POLRMT: variants seen among roughly 807,000 people sequenced by gnomAD.
The protein encoded by POLRMT is RNA polymerase mitochondrial.
In POLRMT, 114 loss-of-function variants were observed where a neutral mutation model predicts 132.2. The ratio of observed to expected loss-of-function variants is 0.86; its 90% CI spans 0.74 to 1.01. The LOEUF is 1.01. Among genes scored for constraint, POLRMT ranks in the 50% least tolerant of loss-of-function variants. The pLI is 0.00. For synonymous variants in POLRMT, 1,020 were observed against 773.4 expected (o/e 1.32, Z -5.29); for missense variants, 2,003 against 1,729.1 (o/e 1.16, Z -2.81).
chr19:617,221 T>C lies in POLRMT; in HGVS notation c.*53A>G. 1.9e-6 allele frequency: 3 copies of C among 1,596,298 alleles called. No individual in the cohort carries two copies. The highest frequency in any genetic ancestry group is 2.6e-6 in the Non-Finnish European group (3 of 1,166,764). ...GTGCACCCTTCCTGAAGACAGTGGC[T>C]CCTGGGGGTGGCAAAAGAGCTTTAT... On this transcript the variant is annotated 3_prime_UTR_variant, in exon 21 of 21. Coordinates refer to ENST00000588649, the MANE Select transcript of POLRMT (RefSeq NM_005035.4).
At chr19:630,855 C>G (rs1331402635) in intron 2 of POLRMT, among the ~76,000 whole-genome samples, 5 of 152,204 alleles carry the variant, frequency 3.3e-5, no homozygotes, top group Non-Finnish European at 7.3e-5. Flanking sequence ...TTTAAAGAAG[C>G]CTTGTTGGAA....
chr19:617,268 G>GGGGTGTC lies in POLRMT; in HGVS notation c.3692_*5dup, dbSNP rs1984034487. ...TTATTTACACACTGACAAGGCTCAC[G>GGGGTGTC]GGGTGTCAGCTGAAGAAGTAGGTGG... On this transcript the variant is annotated 3_prime_UTR_variant, in exon 21 of 21. Transcript: ENST00000588649. 4.3e-6 allele frequency: 7 copies of GGGGTGTC among 1,612,546 alleles called. No individual in the cohort carries two copies. The highest frequency in any genetic ancestry group is 5.1e-6 in the Non-Finnish European group (6 of 1,179,844).
intron 2 of POLRMT, among the ~76,000 whole-genome samples, chr19:630,428 C>T (rs983239803): frequency 6.6e-6 from 1 of 152,200 alleles, no homozygotes; most frequent in African/African-American, 2.4e-5. Flanking sequence ...AAACCTGCAG[C>T]ACCACGTCTC....
At chr19:622,413 C>T in intron 8 of POLRMT, 40 bp from the exon 9 acceptor site, 23 of 1,510,194 alleles carry the variant, frequency 1.5e-5, no homozygotes, top group Non-Finnish European at 1.9e-5. Context: ...CACCGGGGCC[C>T]CTGAGCTAGA....
chr19:618,951 C>T (rs752774828), intron 15 of POLRMT, 46 bp downstream of exon 15: 11 of 1,470,954 alleles, frequency 7.5e-6, no homozygotes, highest in South Asian at 2.6e-5. Context: ...GACGCTGTTA[C>T]ACTGGGATGG....
chr19:620,966 G>GGGGCGGGCGCGGGGGCGCCGGGGGA lies in POLRMT; in HGVS notation c.2640+91_2640+92insTCCCCCGGCGCCCCCGCGCCCGCCC, dbSNP rs1400433602. 5.2e-6 allele frequency: 3 copies of GGGGCGGGCGCGGGGGCGCCGGGGGA among 572,622 alleles called. No homozygotes were observed. The African/African-American group carries it at 1.1e-4, about 21-fold the overall frequency. The allele number at this position is 572,622 out of a possible 1,614,324, so 35.5% of individuals were successfully genotyped here. On this transcript the variant is annotated intron_variant, in intron 10 of 20. Coordinates refer to ENST00000588649, the MANE Select transcript of POLRMT (RefSeq NM_005035.4). The stretch of plus-strand genomic sequence containing the variant: ...GGGAGGGGAGGAGGAAGACGGGCAG[G>GGGGCGGGCGCGGGGGCGCCGGGGGA]GGGCGCGGGGGCGCCGGGGGAGGGC...
At chr19:618,920 G>C (rs1004175372) in intron 15 of POLRMT, 77 bp downstream of exon 15, 2 of 1,371,328 alleles carry the variant, frequency 1.5e-6, no homozygotes, top group African/African-American at 1.4e-5. Flanking sequence ...GTGGTGGTAC[G>C]CTGGGGCACT....
At position 625,105 on chromosome 19, in the gene POLRMT, C is replaced by A. The variant is rs1276042384; in HGVS notation, c.953+19G>T. 6.2e-7 allele frequency: 1 copy of A among 1,606,456 alleles called. No homozygotes were observed. Among genetic ancestry groups the A allele is most frequent in the African/African-American group, 1.3e-5 (1 of 74,746 alleles). On this transcript the variant is annotated intron_variant, in intron 4 of 20. Transcript: ENST00000588649. The stretch of plus-strand genomic sequence containing the variant: ...GGAGGGACATGGTGGGGGGTGGGGG[C>A]CCTCCCGACACCACCTACCTTTCGA...
chr19:621,199 G>A lies in POLRMT; in HGVS notation c.2499C>T (p.Leu833=), dbSNP rs765731349. Reference sequence around the variant, plus strand: ...TGAGCCAATCCAGGCCGTGCGGGCCGAGCGGGCGGCCCTGGGCGAACTCCA... The same window carrying A: ...TGAGCCAATCCAGGCCGTGCGGGCCAAGCGGGCGGCCCTGGGCGAACTCCA... ...ALLEFAQGRP[L]GPHGLDWLKI... Residue 833 remains leucine, a synonymous_variant, in exon 10 of 21, where the codon CTC becomes CTT. Transcript: ENST00000588649. The A allele has an allele frequency of 7.5e-6, 12 of 1,610,334 alleles. No homozygotes were observed. The highest frequency in any genetic ancestry group is 2.2e-5 in the South Asian group (2 of 91,008).
chr19:624,177 A>G (rs1260791593), intron 5 of POLRMT, among the ~76,000 whole-genome samples: 4 of 152,214 alleles, frequency 2.6e-5, no homozygotes, highest in African/African-American at 4.8e-5. Flanking sequence ...CGGAGGCACC[A>G]TGAGGACGTC....
intron 17 of POLRMT, 46 bp from the exon 18 acceptor site, chr19:617,895 C>A (rs751635676): frequency 6.4e-7 from 1 of 1,564,422 alleles, no homozygotes; most frequent in South Asian, 1.1e-5. Flanking sequence ...GCTCACAGGG[C>A]CACCCAGTGA....
rs188779352 is a variant in POLRMT at position 628,565 on chromosome 19, C to T, written c.822+975G>A. ...TATCTGTATTTTAATATAATAGTAT[C>T]CCATGTTTACCCAAATATTAAGAGA... On this transcript the variant is annotated intron_variant, in intron 3 of 20. Coordinates refer to ENST00000588649, the MANE Select transcript of POLRMT (RefSeq NM_005035.4). 5.2e-3 allele frequency among the ~76,000 whole-genome samples: 787 copies of T among 152,286 alleles called. 10 individuals are homozygous for T. The highest frequency in any genetic ancestry group is 0.017 in the African/African-American group (708 of 41,552).
In POLRMT at chr19:620,464, C is replaced by T. The variant is rs780835026; in HGVS notation, c.2664G>A (p.Ala888=). 8 of 1,597,828 alleles carry T rather than the reference C, an allele frequency of 5.0e-6. No homozygotes were observed. Among genetic ancestry groups the T allele is most frequent in the South Asian group, 4.5e-5 (4 of 89,086 alleles). The change falls in exon 11 of 21, where the codon GCG becomes GCA. Residue 888 remains alanine (A), a synonymous_variant. Transcript: ENST00000588649. ...PLTGRKWWMG[A]EEPWQTLACC... ...AGGCCAGCGTCTGCCAGGGTTCCTCCGCGCCCATCCACCACTTTCGGCCCT... is the reference window on the plus strand; with the variant it reads ...AGGCCAGCGTCTGCCAGGGTTCCTCTGCGCCCATCCACCACTTTCGGCCCT...
In POLRMT at chr19:617,412, C is replaced by G. The variant is rs370681082; in HGVS notation, c.3643+7G>C. ...AGCCACCCTTGCGAGGCTGCCCACC[C>G]GCCTACCTGGCTTGGGCACCGCCTG... On this transcript the variant is annotated splice_region_variant and intron_variant, in intron 20 of 20. Coordinates refer to ENST00000588649, the MANE Select transcript of POLRMT (RefSeq NM_005035.4). 5 of 1,612,200 alleles carry G rather than the reference C, an allele frequency of 3.1e-6. No homozygotes were observed. In the African/African-American group the frequency reaches 5.3e-5, roughly 17 times the overall value.
rs149408062 is a variant in POLRMT, at chr19:619,059, C to G, written c.3205G>C (p.Glu1069Gln). 23 of 1,609,132 alleles carry G rather than the reference C, an allele frequency of 1.4e-5. No homozygotes were observed. In the African/African-American group the frequency reaches 3.0e-4, roughly 21 times the overall value. Residue 1069 changes from glutamate (E) to glutamine (Q), a missense_variant, in exon 15 of 21, where the codon GAG (glutamate) becomes CAG (glutamine). By Grantham distance (29) the Glu-to-Gln change is conservative (BLOSUM62 2). Coordinates refer to ENST00000588649, the MANE Select transcript of POLRMT (RefSeq NM_005035.4). ...RLISHMGSVVEWVTPLGVPVI... is the reference protein window; with the variant it reads ...RLISHMGSVVQWVTPLGVPVI... The stretch of plus-strand genomic sequence containing the variant: ...GGGACGCCCAGGGGTGTGACCCACT[C>G]CACCACAGAGCCCATGTGGGAGATG...
rs758955584 is a variant in POLRMT at position 620,527 on chromosome 19, C to T, written c.2641-40G>A. 1.5e-5 allele frequency: 22 copies of T among 1,500,742 alleles called. No individual in the cohort carries two copies. The South Asian group carries it at 2.0e-4, about 14-fold the overall frequency. The allele number at this position is 1,500,742 out of a possible 1,614,324, so 93.0% of individuals were successfully genotyped here. A position where few individuals can be genotyped will look rare whatever the true frequency, so the allele number is the denominator to read the frequency against. ...GATGGGGGGCAGTGAGGCCCGGGCCCGATCCCTGAGCCCGCTGGGAGGCTG... is the reference window on the plus strand; with the variant it reads ...GATGGGGGGCAGTGAGGCCCGGGCCTGATCCCTGAGCCCGCTGGGAGGCTG... On this transcript the variant is annotated intron_variant, in intron 10 of 20. Transcript: ENST00000588649.
At position 623,560 on chromosome 19, in the gene POLRMT, G is replaced by T. The variant is rs1376792168; in HGVS notation, c.1184C>A (p.Thr395Asn). Residue 395 changes from threonine (T) to asparagine (N), a missense_variant, in exon 6 of 21, where the codon ACC becomes AAC. Coordinates refer to ENST00000588649, the MANE Select transcript of POLRMT (RefSeq NM_005035.4). ...SYPKLHLPLK[T>N]LQCLFEKQLH... ...CTGCTTCTCAAAGAGGCACTGCAGG[G>T]TCTTCAAGGGCAGGTGCAGCTTCGG... is the stretch of plus-strand genomic sequence containing the variant. 6.2e-7 allele frequency: 1 copy of T among 1,613,696 alleles called. No homozygotes were observed. Among genetic ancestry groups the T allele is most frequent in the Admixed American group, 1.7e-5 (1 of 60,028 alleles).
intron 11 of POLRMT, 72 bp from the exon 12 acceptor site, chr19:620,152 C>CA: frequency 6.6e-7 from 1 of 1,518,400 alleles, no homozygotes; most frequent in Non-Finnish European, 8.8e-7. Context: ...AACCACCCCC[C>CA]AGGTCGAGCC....
Position 625,102 on chromosome 19 carries a change from G to A in POLRMT, c.953+22C>T, listed in dbSNP as rs373117510. On this transcript the variant is annotated intron_variant, in intron 4 of 20. Coordinates refer to ENST00000588649, the MANE Select transcript of POLRMT (RefSeq NM_005035.4). ...CTGGGAGGGACATGGTGGGGGGTGGGGGCCCTCCCGACACCACCTACCTTT... is the reference window on the plus strand; with the variant it reads ...CTGGGAGGGACATGGTGGGGGGTGGAGGCCCTCCCGACACCACCTACCTTT... The A allele has an allele frequency of 5.0e-5, 80 of 1,605,990 alleles. 1 individual carries two copies. In the South Asian group the frequency reaches 8.4e-4, roughly 17 times the overall value.
Sources: allele counts gnomAD v4.1 joint callset (sites outside exome capture counted in the v4.1 genomes callset), GRCh38; gene constraint gnomAD v4.1.1; transcripts MANE v1.5; gene names NCBI Gene and HGNC (gene_info 2026-07-23, HGNC 2026-07-21).